The following GMDS variants were observed in gnomAD, a reference collection of about 807,000 sequenced individuals.
GMDS encodes the protein GDP-mannose 4,6-dehydratase, also known as GDP-mannose 4,6 dehydratase.
Under a neutral mutation model 49.9 loss-of-function variants are expected in GMDS, and 20 were observed. That is an observed-to-expected ratio of 0.40 (90% CI 0.28 to 0.58). The LOEUF is 0.58. Ranked by LOEUF, GMDS falls within the 20% of genes least tolerant of loss-of-function variation. The probability of loss-of-function intolerance (pLI) is 0.42; values close to 1 mark genes in which losing one functional copy is unlikely to be tolerated. For missense variants in GMDS, 362 were observed against 481.4 expected, an observed-to-expected ratio of 0.75 and a Z score of 2.32; for synonymous variants, 177 against 178.6, an observed-to-expected ratio of 0.99 and a Z score of 0.07.
At chr6:2,137,172 A>T (rs1300000570) in intron 1 of GMDS, among the ~76,000 whole-genome samples, 1 of 152,196 alleles carries the variant, frequency 6.6e-6, no homozygotes, top group Non-Finnish European at 1.5e-5. Context: ...ATTAATCATT[A>T]CTATTGACTT....
At chr6:1,737,238 C>A (rs553479858) in intron 8 of GMDS, among the ~76,000 whole-genome samples, 1 of 152,158 alleles carries the variant, frequency 6.6e-6, no homozygotes, top group African/African-American at 2.4e-5. Context: ...CCTCCCACAA[C>A]GACAACAAGC....
In GMDS at chr6:1,833,896, C is replaced by G. The variant is rs781508463; in HGVS notation, c.772-91310G>C. Among the ~76,000 whole-genome samples, 1 of 152,194 alleles carries G rather than the reference C, an allele frequency of 6.6e-6. No individual in the cohort carries two copies. Among genetic ancestry groups the G allele is most frequent in the South Asian group, 2.1e-4 (1 of 4,826 alleles). On this transcript the variant is annotated intron_variant, in intron 7 of 10. Transcript: ENST00000380815. The surrounding 1 kb of genome is among the most constrained non-coding windows in gnomAD (Gnocchi z 4.4). ...TCAATATCTAAATGAGAAACATGCT[C>G]TCCTTAAAATCACAATGCATATATC...
At chr6:1,942,390 T>C (rs1316895459) in intron 6 of GMDS, among the ~76,000 whole-genome samples, 1 of 152,170 alleles carries the variant, frequency 6.6e-6, no homozygotes, top group Non-Finnish European at 1.5e-5. Context: ...TCTTTCCTAC[T>C]TCACATGGTT....
In GMDS at chr6:1,978,596, C is replaced by T. The variant is rs538041758; in HGVS notation, c.346-17630G>A. Among the ~76,000 whole-genome samples, 5 of 152,224 alleles carry T rather than the reference C, an allele frequency of 3.3e-5. No individual in the cohort carries two copies. The East Asian group carries it at 9.7e-4, about 29-fold the overall frequency. ...CCTCCCACCCCATGTTCTTTGGGGC[C>T]TAAAGAGCTCTAATTTCACCCTGGG... is the stretch of plus-strand genomic sequence containing the variant. On this transcript the variant is annotated intron_variant, in intron 4 of 10. Coordinates refer to ENST00000380815, the MANE Select transcript of GMDS (RefSeq NM_001500.4).
chr6:1,889,878 G>A (rs1451436159), intron 7 of GMDS, among the ~76,000 whole-genome samples: 1 of 152,024 alleles, frequency 6.6e-6, no homozygotes, highest in East Asian at 1.9e-4. Flanking sequence ...GTTGCCTTTT[G>A]GGTCTATCTT....
intron 9 of GMDS, among the ~76,000 whole-genome samples, chr6:1,672,767 G>T (rs1764469341): frequency 6.6e-6 from 1 of 152,174 alleles, no homozygotes; most frequent in Non-Finnish European, 1.5e-5. Flanking sequence ...ATGGAACAGT[G>T]GTGATGCAAA....
At chr6:1,721,929 C>T (rs754943976) in intron 9 of GMDS, among the ~76,000 whole-genome samples, 134 of 152,150 alleles carry the variant, frequency 8.8e-4, no homozygotes, top group Non-Finnish European at 1.5e-3. Context: ...CATCTTAAAA[C>T]GTGCTTAGTA....
chr6:1,834,481 C>G (rs995442377), intron 7 of GMDS, among the ~76,000 whole-genome samples: 1 of 152,036 alleles, frequency 6.6e-6, no homozygotes, highest in Non-Finnish European at 1.5e-5. Context: ...TGGGGAGAGT[C>G]GGCAACTCCC....
In GMDS at chr6:2,041,135, A is replaced by G. The variant is rs150026619; in HGVS notation, c.345+74636T>C. Among the ~76,000 whole-genome samples the G allele has an allele frequency of 2.6e-5, 4 of 152,332 alleles. No individual in the cohort carries two copies. In the East Asian group the frequency reaches 7.7e-4, roughly 29 times the overall value. On this transcript the variant is annotated intron_variant, in intron 4 of 10. Coordinates refer to ENST00000380815, the MANE Select transcript of GMDS (RefSeq NM_001500.4). ...AAGGTAGAAAGCTAACTAATACTCA[A>G]AAGGATATTACATCCATGTACAAAT... is the stretch of plus-strand genomic sequence containing the variant.
intron 9 of GMDS, among the ~76,000 whole-genome samples, chr6:1,648,316 G>C (rs1001997690): frequency 6.6e-6 from 1 of 152,162 alleles, no homozygotes; most frequent in Non-Finnish European, 1.5e-5. Flanking sequence ...AATATATCTG[G>C]ACATTTCAGG....
At chr6:2,135,555 C>CTTTTTTTTTTT (rs1276419101) in intron 1 of GMDS, among the ~76,000 whole-genome samples, 4 of 152,026 alleles carry the variant, frequency 2.6e-5, no homozygotes, top group Non-Finnish European at 2.9e-5. Flanking sequence ...ATTTGAGTTT[C>CTTTTTTTTTTT]TATAATCTAG....
chr6:1,628,802 C>T (rs771287837), intron 9 of GMDS, among the ~76,000 whole-genome samples: 16 of 152,264 alleles, frequency 1.1e-4, no homozygotes, highest in Admixed American at 3.9e-4. Flanking sequence ...AAAGCCTTGG[C>T]GAAATATCTT....
intron 7 of GMDS, among the ~76,000 whole-genome samples, chr6:1,761,905 G>A (rs943614860): frequency 4.0e-5 from 6 of 149,958 alleles, no homozygotes; most frequent in East Asian, 1.9e-4. Context: ...CACTGGAGAC[G>A]AAAAAAAAAC....
intron 7 of GMDS, among the ~76,000 whole-genome samples, chr6:1,900,381 G>C (rs562215760): frequency 6.6e-6 from 1 of 152,342 alleles, no homozygotes; most frequent in African/African-American, 2.4e-5. Flanking sequence ...TGATATGCTA[G>C]CACATAACAC....
chr6:2,170,767 G>A (rs879131186), intron 1 of GMDS, among the ~76,000 whole-genome samples: 2 of 152,088 alleles, frequency 1.3e-5, no homozygotes, highest in Non-Finnish European at 2.9e-5. Context: ...AGGCCGAGGC[G>A]GGTGGATCAC....
At chr6:1,869,616 AAAT>A (rs1295770272) in intron 7 of GMDS, among the ~76,000 whole-genome samples, 1 of 152,238 alleles carries the variant, frequency 6.6e-6, no homozygotes, top group Non-Finnish European at 1.5e-5. Flanking sequence ...CAATGGTTAG[AAAT>A]AATGAAAAAC....
chr6:1,945,563 A>G (rs1763041212), intron 6 of GMDS, among the ~76,000 whole-genome samples: 1 of 152,148 alleles, frequency 6.6e-6, no homozygotes, highest in Admixed American at 6.5e-5. Context: ...GAGTATGCAC[A>G]TACGGTTACA....
At position 1,780,441 on chromosome 6, in the gene GMDS, C is replaced by T. The variant is rs535674978; in HGVS notation, c.772-37855G>A. On this transcript the variant is annotated intron_variant, in intron 7 of 10. Transcript: ENST00000380815. Reference sequence around the variant, plus strand: ...TTACTCATGCAGTGGCAACGGTGTCCCCACAGCTTCCTGAGAGCGCTTCCT... The same window carrying T: ...TTACTCATGCAGTGGCAACGGTGTCTCCACAGCTTCCTGAGAGCGCTTCCT... Among the ~76,000 whole-genome samples the T allele has an allele frequency of 1.6e-3, 250 of 152,318 alleles. 2 individuals are homozygous for T. The highest frequency in any genetic ancestry group is 5.9e-3 in the African/African-American group (246 of 41,562).
At chr6:1,625,805 A>G (rs139094375) in intron 9 of GMDS, among the ~76,000 whole-genome samples, 67 of 152,366 alleles carry the variant, frequency 4.4e-4, no homozygotes, top group African/African-American at 1.5e-3. Flanking sequence ...TGCATACACA[A>G]ATGTACTCGT....
Sources: gnomAD v4.1 joint callset for allele counts (sites outside exome capture counted in the v4.1 genomes callset) on GRCh38, gnomAD v4.1.1 for gene constraint, Gnocchi (gnomAD v3.1) non-coding constraint, MANE v1.5 for transcripts, NCBI Gene and HGNC (gene_info 2026-07-23, HGNC 2026-07-21) for gene names.